Variants in BABAM2 observed in about 807,000 individuals in gnomAD.
BABAM2 encodes the protein BRISC and BRCA1 A complex member 2, also known as BRISC and BRCA1-A complex member 2.
BABAM2 carries 31 observed loss-of-function variants against 54.7 expected under a neutral mutation model. The observed-to-expected ratio is 0.57, with a 90% CI of 0.43 to 0.77. The LOEUF is 0.77. Ranked by LOEUF, BABAM2 falls within the 30% of genes least tolerant of loss-of-function variation. BABAM2 has a pLI of 0.00. For synonymous variants in BABAM2, 167 were observed against 162.9 expected (o/e 1.03, Z -0.19); for missense variants, 364 against 455.8 (o/e 0.80, Z 1.83).
At chr2:27,888,884 G>A (rs114047820), upstream of BABAM2, among the ~76,000 whole-genome samples, 1,162 of 152,220 alleles carry the variant, frequency 7.6e-3, 11 homozygotes, top group African/African-American at 0.027. Context: ...TCTTGCTCTA[G>A]AAAAAGATGT....
At chr2:28,279,424 A>G (rs1686154496) in intron 10 of BABAM2, among the ~76,000 whole-genome samples, 1 of 152,170 alleles carries the variant, frequency 6.6e-6, no homozygotes, top group African/African-American at 2.4e-5. Flanking sequence ...ATGAAACAAA[A>G]TAAAGCCTGA....
chr2:28,005,755 G>A (rs927582764), intron 4 of BABAM2, among the ~76,000 whole-genome samples: 1 of 151,934 alleles, frequency 6.6e-6, no homozygotes, highest in Non-Finnish European at 1.5e-5. Context: ...CTATTTTGGG[G>A]TATTGTATAA....
chr2:28,098,635 A>G (rs1414443523), intron 6 of BABAM2, among the ~76,000 whole-genome samples: 1 of 152,212 alleles, frequency 6.6e-6, no homozygotes, highest in Admixed American at 6.5e-5. Context: ...AGCTTACTCC[A>G]TGAAAGTCGC....
chr2:28,156,420 T>A (rs1672550118), intron 7 of BABAM2, among the ~76,000 whole-genome samples: 1 of 152,184 alleles, frequency 6.6e-6, no homozygotes, highest in Non-Finnish European at 1.5e-5. Context: ...TTATTTATAT[T>A]TCTATACCCA....
chr2:27,909,506 C>G (rs1666425898), intron 2 of BABAM2, among the ~76,000 whole-genome samples: 1 of 152,146 alleles, frequency 6.6e-6, no homozygotes, highest in Non-Finnish European at 1.5e-5. Context: ...CATCCCATTC[C>G]ATAGGTTGCC....
intron 11 of BABAM2, among the ~76,000 whole-genome samples, chr2:28,317,421 C>G: frequency 6.6e-6 from 1 of 152,152 alleles, no homozygotes; most frequent in Non-Finnish European, 1.5e-5. Flanking sequence ...ATCTGGCTGC[C>G]AGAGAGTTCT....
At chr2:28,274,110 A>G (rs1203222975) in intron 10 of BABAM2, among the ~76,000 whole-genome samples, 1 of 152,150 alleles carries the variant, frequency 6.6e-6, no homozygotes, top group Non-Finnish European at 1.5e-5. Context: ...TAATCATTTC[A>G]AGACACCACC....
chr2:28,243,182 G>A, intron 9 of BABAM2, among the ~76,000 whole-genome samples: 1 of 151,848 alleles, frequency 6.6e-6, no homozygotes, highest in East Asian at 1.9e-4. Context: ...TTTGCCTGTG[G>A]GATGCAGGAT....
At chr2:28,323,822 A>G (rs1211422773) in intron 11 of BABAM2, among the ~76,000 whole-genome samples, 2 of 152,130 alleles carry the variant, frequency 1.3e-5, no homozygotes, top group African/African-American at 4.8e-5. Flanking sequence ...GGTCCCTCAC[A>G]TGTCACCTAG....
chr2:27,891,537 C>T (rs754453493), intron 1 of BABAM2, among the ~76,000 whole-genome samples: 2 of 152,082 alleles, frequency 1.3e-5, no homozygotes, highest in Non-Finnish European at 2.9e-5. Context: ...CTCTGACCAC[C>T]GTAAATATTT....
chr2:28,140,436 A>G (rs1256102872), intron 7 of BABAM2, among the ~76,000 whole-genome samples: 2 of 152,172 alleles, frequency 1.3e-5, no homozygotes, highest in African/African-American at 4.8e-5. Flanking sequence ...TTTTTTTAGA[A>G]TGGTGGAATT....
At chr2:27,978,678 G>C (rs1356781340) in intron 3 of BABAM2, among the ~76,000 whole-genome samples, 1 of 152,064 alleles carries the variant, frequency 6.6e-6, no homozygotes, top group Non-Finnish European at 1.5e-5. Context: ...TACATGTGCA[G>C]GTTTGTTACG....
At chr2:28,079,202 G>A (rs1023923394) in intron 6 of BABAM2, among the ~76,000 whole-genome samples, 1 of 152,128 alleles carries the variant, frequency 6.6e-6, no homozygotes, top group Admixed American at 6.6e-5. Flanking sequence ...TCAGAATAGT[G>A]GATACCTGGC....
At chr2:28,268,716 G>A (rs1341400629) in intron 10 of BABAM2, among the ~76,000 whole-genome samples, 3 of 152,134 alleles carry the variant, frequency 2.0e-5, no homozygotes, top group Admixed American at 6.6e-5. Flanking sequence ...CACAAATGCC[G>A]GCCCCCGTTG....
At chr2:28,216,799 C>T (rs1232040692) in intron 7 of BABAM2, among the ~76,000 whole-genome samples, 2 of 152,092 alleles carry the variant, frequency 1.3e-5, no homozygotes, top group Admixed American at 6.6e-5. Flanking sequence ...CTTACCCTCT[C>T]CTTCATAATC....
chr2:28,063,667 G>C (rs1339220710), intron 6 of BABAM2, among the ~76,000 whole-genome samples: 2 of 152,196 alleles, frequency 1.3e-5, no homozygotes, highest in East Asian at 3.9e-4. Context: ...TGTCAGTGCT[G>C]AGATTTTTGG....
intron 4 of BABAM2, among the ~76,000 whole-genome samples, chr2:28,017,496 C>T (rs917713659): frequency 6.6e-6 from 1 of 152,206 alleles, no homozygotes; most frequent in East Asian, 1.9e-4. Context: ...AAGATTTTTA[C>T]TTTTTTCCTT....
chr2:28,210,322 A>G (rs895718363), intron 7 of BABAM2, among the ~76,000 whole-genome samples: 2 of 152,230 alleles, frequency 1.3e-5, no homozygotes, highest in African/African-American at 4.8e-5. Flanking sequence ...AGCTGCTCAC[A>G]ATCTAGGGAG....
chr2:27,964,762 A>G (rs986327806), intron 3 of BABAM2, among the ~76,000 whole-genome samples: 3 of 152,196 alleles, frequency 2.0e-5, no homozygotes, highest in African/African-American at 7.2e-5. Flanking sequence ...TAAATTGTCC[A>G]AGATGATTTT....
Sources: gnomAD v4.1 joint callset for allele counts (sites outside exome capture counted in the v4.1 genomes callset) on GRCh38, gnomAD v4.1.1 for gene constraint, MANE v1.5 for transcripts, NCBI Gene and HGNC (gene_info 2026-07-23, HGNC 2026-07-21) for gene names.